Variants in MAGI2 observed in about 807,000 individuals in gnomAD.
The protein encoded by MAGI2 is membrane-associated guanylate kinase, WW and PDZ domain-containing protein 2.
A neutral mutation model predicts 133.3 loss-of-function variants in MAGI2; 35 were observed. That is an observed-to-expected ratio of 0.26 (90% CI 0.20 to 0.35). The LOEUF is 0.35. Ranked by LOEUF, MAGI2 falls within the 10% of genes least tolerant of loss-of-function variation. MAGI2 has a pLI of 1.00. For missense variants in MAGI2, 1,636 were observed against 1,863.4 expected (o/e 0.88, Z 2.25); for synonymous variants, 729 against 710.6 (o/e 1.03, Z -0.41).
chr7:78,936,364 A>G (rs1799003), intron 2 of MAGI2, among the ~76,000 whole-genome samples: 48,106 of 151,786 alleles, frequency 0.32, 7,817 homozygotes, highest in South Asian at 0.42. Context: ...AGACTTTCCT[A>G]CATATACTCT....
chr7:78,996,832 T>C (rs1806353698), intron 2 of MAGI2, among the ~76,000 whole-genome samples: 1 of 152,160 alleles, frequency 6.6e-6, no homozygotes, highest in South Asian at 2.1e-4. Flanking sequence ...ACAGAGTTTG[T>C]TTTCCAAAGA....
chr7:79,186,759 A>ATATATTTATACAAAAG (rs1562974078), intron 1 of MAGI2, among the ~76,000 whole-genome samples: 1,239 of 89,134 alleles, frequency 0.014, 18 homozygotes, highest in African/African-American at 0.052. Flanking sequence ...AAGTATATAT[A>ATATATTTATACAAAAG]TATATATATA....
At chr7:78,294,195 G>A (rs1284906921) in intron 9 of MAGI2, among the ~76,000 whole-genome samples, 5 of 151,910 alleles carry the variant, frequency 3.3e-5, no homozygotes, top group African/African-American at 1.2e-4. Flanking sequence ...CAATTAGACT[G>A]TGAACTTCCA....
intron 2 of MAGI2, among the ~76,000 whole-genome samples, chr7:78,997,934 G>T (rs2116418510): frequency 6.6e-6 from 1 of 152,272 alleles, no homozygotes; most frequent in African/African-American, 2.4e-5. Context: ...TCATGCTTCA[G>T]AAGTCTTTAT....
At chr7:78,463,565 A>G (rs1790296933) in intron 6 of MAGI2, among the ~76,000 whole-genome samples, 1 of 152,222 alleles carries the variant, frequency 6.6e-6, no homozygotes, top group South Asian at 2.1e-4. Flanking sequence ...TAGCAATTAA[A>G]TATCTGGGAG....
At chr7:78,566,120 G>A (rs1410082176) in intron 3 of MAGI2, among the ~76,000 whole-genome samples, 7 of 152,162 alleles carry the variant, frequency 4.6e-5, no homozygotes, top group Admixed American at 2.0e-4. Flanking sequence ...AGATGGCCCC[G>A]TTGATGACAT....
chr7:78,964,170 G>A (rs1445437377), intron 2 of MAGI2, among the ~76,000 whole-genome samples: 1 of 150,246 alleles, frequency 6.7e-6, no homozygotes, highest in South Asian at 2.1e-4. Flanking sequence ...TTTCTGTACT[G>A]TAATAATACA....
At position 79,309,979 on chromosome 7, in the gene MAGI2, A is replaced by AAAAAAG. The variant is rs1554440750; in HGVS notation, c.301+143040_301+143041insCTTTTT. Among the ~76,000 whole-genome samples the AAAAAAG allele has an allele frequency of 5.6e-3, 795 of 141,222 alleles. 7 individuals are homozygous for AAAAAAG. Among genetic ancestry groups the AAAAAAG allele is most frequent in the African/African-American group, 0.015 (592 of 39,052 alleles). The allele number at this position is 141,222 out of a possible 152,430, so 92.6% of individuals were successfully genotyped here. On this transcript the variant is annotated intron_variant, in intron 1 of 21. Transcript: ENST00000354212. ...AACCTTGTTTTTCCTAAAAAAAAAA[A>AAAAAAG]AAAAGAAAAGAAAAGAAAGAAAGAA...
chr7:79,312,976 G>T (rs957832597), intron 1 of MAGI2, among the ~76,000 whole-genome samples: 60 of 152,014 alleles, frequency 3.9e-4, no homozygotes, highest in African/African-American at 1.3e-3. Flanking sequence ...CTAAATACCT[G>T]GGGAGAGTTT....
In MAGI2 at chr7:78,019,856, G is replaced by A. The variant is rs969234304; in HGVS notation, c.3827C>T (p.Pro1276Leu). The A allele has an allele frequency of 1.2e-6, 2 of 1,613,546 alleles. No individual in the cohort carries two copies. Among genetic ancestry groups the A allele is most frequent in the African/African-American group, 1.3e-5 (1 of 75,042 alleles). The change falls in exon 22 of 22, where the codon CCT (proline) becomes CTT (leucine). Residue 1276 changes from proline (P) to leucine (L), a missense_variant. Transcript: ENST00000354212. ...SPSHPAPPSDPSHQISPGPTW... is the reference protein window; with the variant it reads ...SPSHPAPPSDLSHQISPGPTW... ...TGGGCCTGGGCTTATCTGGTGGGAA[G>A]GGTCGGAGGGTGGGGCTGGATGTGA... is the stretch of plus-strand genomic sequence containing the variant.
In MAGI2 at chr7:78,974,519, C is replaced by T. The variant is rs78381595; in HGVS notation, c.418+32571G>A. Among the ~76,000 whole-genome samples the T allele has an allele frequency of 8.5e-4, 129 of 151,820 alleles. No homozygotes were observed. The East Asian group carries it at 0.019, about 23-fold the overall frequency. ...TCCATTTATTTTAATAATTGTGAAA[C>T]AGTTATAAATCATATGTCATGTAGA... On this transcript the variant is annotated intron_variant, in intron 2 of 21. Coordinates refer to ENST00000354212, the MANE Select transcript of MAGI2 (RefSeq NM_012301.4).
chr7:78,275,442 T>TA (rs1400560038), intron 9 of MAGI2, among the ~76,000 whole-genome samples: 2 of 152,196 alleles, frequency 1.3e-5, no homozygotes, highest in Non-Finnish European at 1.5e-5. Flanking sequence ...GTCTTGTTTT[T>TA]ATTCACAAGT....
chr7:78,038,942 T>C (rs566135839), intron 21 of MAGI2, among the ~76,000 whole-genome samples: 2 of 152,258 alleles, frequency 1.3e-5, no homozygotes, highest in South Asian at 2.1e-4. Context: ...GCCATAACTA[T>C]GATTCCAGAG....
chr7:78,662,204 T>C lies in MAGI2; in HGVS notation c.419-34965A>G, dbSNP rs150542360. ...GGGTGTAAAGTACTTTATTTATAAATGAAATTCATGGTGTGCATAGACACA... is the reference window on the plus strand; with the variant it reads ...GGGTGTAAAGTACTTTATTTATAAACGAAATTCATGGTGTGCATAGACACA... On this transcript the variant is annotated intron_variant, in intron 2 of 21. Coordinates refer to ENST00000354212, the MANE Select transcript of MAGI2 (RefSeq NM_012301.4). 6.1e-3 allele frequency among the ~76,000 whole-genome samples: 932 copies of C among 152,338 alleles called. 10 individuals carry two copies. The highest frequency in any genetic ancestry group is 0.021 in the African/African-American group (885 of 41,586).
At chr7:78,900,943 A>T (rs890589304) in intron 2 of MAGI2, among the ~76,000 whole-genome samples, 18 of 152,148 alleles carry the variant, frequency 1.2e-4, no homozygotes, top group Non-Finnish European at 4.4e-5. Flanking sequence ...CTTTCAGTTC[A>T]TTGATTAAAA....
intron 2 of MAGI2, among the ~76,000 whole-genome samples, chr7:79,003,749 C>G (rs1210242737): frequency 6.6e-6 from 1 of 152,008 alleles, no homozygotes; most frequent in Non-Finnish European, 1.5e-5. Context: ...AACAAATAAC[C>G]CAACTAAGAA....
intron 1 of MAGI2, among the ~76,000 whole-genome samples, chr7:79,322,432 T>C (rs73375150): frequency 0.05 from 7,535 of 152,032 alleles, 311 homozygotes; most frequent in African/African-American, 0.11. Context: ...TAGGTCCAAA[T>C]GCAACTGTTG....
At chr7:78,743,685 G>T (rs1822644142) in intron 2 of MAGI2, among the ~76,000 whole-genome samples, 1 of 152,160 alleles carries the variant, frequency 6.6e-6, no homozygotes, top group Non-Finnish European at 1.5e-5. Context: ...AAATGGAGAG[G>T]TGTCTACAGG....
At chr7:79,075,354 A>T (rs1815367695) in intron 1 of MAGI2, among the ~76,000 whole-genome samples, 2 of 152,196 alleles carry the variant, frequency 1.3e-5, no homozygotes, top group South Asian at 4.2e-4. Flanking sequence ...ATGTTACCAC[A>T]TGAGTTGGAG....
Sources: gnomAD v4.1 joint callset for allele counts (sites outside exome capture counted in the v4.1 genomes callset) on GRCh38, gnomAD v4.1.1 for gene constraint, MANE v1.5 for transcripts, NCBI Gene and HGNC (gene_info 2026-07-23, HGNC 2026-07-21) for gene names.